The following MAD1L1 variants were observed in gnomAD, a reference collection of about 807,000 sequenced individuals.
MAD1L1 encodes mitotic arrest deficient 1 like 1.
Under a neutral mutation model 96.9 loss-of-function variants are expected in MAD1L1, and 95 were observed. The observed-to-expected ratio is 0.98, with a 90% CI of 0.83 to 1.16. The LOEUF (loss-of-function observed/expected upper bound fraction) is 1.16. Ranked by LOEUF, MAD1L1 falls within the 50% of genes most tolerant of loss-of-function variation. The pLI, the probability that MAD1L1 is intolerant of heterozygous loss-of-function variation, is 0.00. For missense variants in MAD1L1, 1,007 were observed against 954.4 expected (o/e 1.06, Z -0.73); for synonymous variants, 473 against 396.6 (o/e 1.19, Z -2.29).
At chr7:2,127,049 C>A (rs1788265676) in intron 11 of MAD1L1, among the ~76,000 whole-genome samples, 1 of 152,224 alleles carries the variant, frequency 6.6e-6, no homozygotes, top group Non-Finnish European at 1.5e-5. Context: ...AAGAACAGAG[C>A]AGACGCGGGT....
intron 10 of MAD1L1, among the ~76,000 whole-genome samples, chr7:2,149,965 G>A (rs1434718284): frequency 1.3e-5 from 2 of 152,190 alleles, no homozygotes; most frequent in Non-Finnish European, 2.9e-5. Flanking sequence ...AAGGCTCCCT[G>A]GCTAGACTGA....
At chr7:1,818,595 C>G (rs1209052311) in intron 18 of MAD1L1, among the ~76,000 whole-genome samples, 1 of 83,102 alleles carries the variant, frequency 1.2e-5, no homozygotes, top group Non-Finnish European at 2.5e-5. Context: ...TTTGCCCAGG[C>G]TGGTCTCAAA....
intron 14 of MAD1L1, among the ~76,000 whole-genome samples, chr7:1,985,347 G>C (rs1312071932): frequency 2.0e-5 from 3 of 152,244 alleles, no homozygotes; most frequent in Middle Eastern, 3.2e-3. Flanking sequence ...GGCTCCGCTG[G>C]TTCTCAGGCC....
chr7:2,084,982 C>G (rs1426520030), intron 11 of MAD1L1, among the ~76,000 whole-genome samples: 3 of 152,170 alleles, frequency 2.0e-5, no homozygotes, highest in Non-Finnish European at 4.4e-5. Flanking sequence ...TCCCACCACC[C>G]CAAGCCAAGG....
chr7:1,947,198 GC>G (rs1336907315), intron 16 of MAD1L1, among the ~76,000 whole-genome samples: 2 of 152,178 alleles, frequency 1.3e-5, no homozygotes, highest in Non-Finnish European at 2.9e-5. Context: ...GCCCTTGGCT[GC>G]CCCGGGCAAA....
At chr7:1,982,523 C>T (rs1318528686) in intron 14 of MAD1L1, among the ~76,000 whole-genome samples, 1 of 152,308 alleles carries the variant, frequency 6.6e-6, no homozygotes, top group Non-Finnish European at 1.5e-5. Flanking sequence ...CTTCTTCTTT[C>T]TAACTTATCT....
rs931071741 is a variant in MAD1L1, at chr7:2,000,620, C to T, written c.1416+1445G>A. On this transcript the variant is annotated intron_variant, in intron 14 of 18. Transcript: ENST00000265854. ...CCCGGGAGAATGCGGCTCCTCCATT[C>T]GCCACCACCGGAAGTTCTGTCTTTC... Among the ~76,000 whole-genome samples, 6 of 152,156 alleles carry T rather than the reference C, an allele frequency of 3.9e-5. No individual in the cohort carries two copies. The South Asian group carries it at 8.3e-4, about 21-fold the overall frequency.
In MAD1L1 at chr7:2,228,745, C is replaced by CT. The variant is rs11317086; in HGVS notation, c.150+1238dup. ...AGTGAGCAAGCTAGCAACTAGCATT[C>CT]TTTTTTTTTTTTTGAGACAGGGTCT... On this transcript the variant is annotated intron_variant, in intron 3 of 18. Coordinates refer to ENST00000265854, the MANE Select transcript of MAD1L1 (RefSeq NM_001013836.2). Among the ~76,000 whole-genome samples, 51 of 147,020 alleles carry CT rather than the reference C, an allele frequency of 3.5e-4. No homozygotes were observed. The East Asian group carries it at 4.0e-3, about 12-fold the overall frequency.
chr7:2,054,752 C>A (rs1259260609), intron 12 of MAD1L1, among the ~76,000 whole-genome samples: 1 of 152,198 alleles, frequency 6.6e-6, no homozygotes, highest in Non-Finnish European at 1.5e-5. Context: ...TCTCAGGGCC[C>A]CTCCTGCAGG....
chr7:1,888,539 TGC>T (rs375089606), intron 18 of MAD1L1, among the ~76,000 whole-genome samples: 4,470 of 92,366 alleles, frequency 0.048, 206 homozygotes, highest in African/African-American at 0.17. Flanking sequence ...TGGTTGCCTG[TGC>T]GTGTGTGTGA....
chr7:2,197,086 C>T (rs1020265316), intron 10 of MAD1L1, among the ~76,000 whole-genome samples: 6 of 152,224 alleles, frequency 3.9e-5, no homozygotes, highest in African/African-American at 1.4e-4. Flanking sequence ...CGGTCCAAAC[C>T]ACCCTCAGGA....
At chr7:2,109,246 C>A (rs1318592257) in intron 11 of MAD1L1, among the ~76,000 whole-genome samples, 1 of 152,228 alleles carries the variant, frequency 6.6e-6, no homozygotes, top group Admixed American at 6.5e-5. Flanking sequence ...CTTCCCCGGG[C>A]CTCGGCTTCT....
chr7:2,192,060 T>G (rs1791750989), intron 10 of MAD1L1, among the ~76,000 whole-genome samples: 1 of 151,786 alleles, frequency 6.6e-6, no homozygotes. Context: ...AAAATAAAAC[T>G]TAAAATTAAA....
intron 17 of MAD1L1, among the ~76,000 whole-genome samples, chr7:1,911,795 T>A (rs1324088595): frequency 6.6e-6 from 1 of 152,078 alleles, no homozygotes. Flanking sequence ...CACCTCCAGA[T>A]GAAGCCCCTC....
At chr7:2,210,903 T>TC (rs1188794083) in intron 10 of MAD1L1, among the ~76,000 whole-genome samples, 1 of 152,142 alleles carries the variant, frequency 6.6e-6, no homozygotes, top group African/African-American at 2.4e-5. Context: ...CACAGGGCCC[T>TC]CCACAAGTAC....
chr7:2,083,659 C>T lies in MAD1L1; in HGVS notation c.1074-14321G>A, dbSNP rs147453871. Among the ~76,000 whole-genome samples the T allele has an allele frequency of 6.3e-3, 963 of 152,330 alleles. 14 individuals carry two copies. Among genetic ancestry groups the T allele is most frequent in the African/African-American group, 0.022 (920 of 41,570 alleles). On this transcript the variant is annotated intron_variant, in intron 11 of 18. Coordinates refer to ENST00000265854, the MANE Select transcript of MAD1L1 (RefSeq NM_001013836.2). ...AGATGGAAGAGGCAACGGCATCGGA[C>T]GCTAGGAAGACCTGGGAGACCTGGG...
Position 1,865,935 on chromosome 7 carries a change from C to T in MAD1L1, c.1998+32265G>A, listed in dbSNP as rs571932598. On this transcript the variant is annotated intron_variant, in intron 18 of 18. Coordinates refer to ENST00000265854, the MANE Select transcript of MAD1L1 (RefSeq NM_001013836.2). ...GGGAAGCCCTGGACAAGCCTGCCAG[C>T]GTGACAGGCACCATCGGCCCGCAAT... 4.6e-5 allele frequency among the ~76,000 whole-genome samples: 7 copies of T among 152,334 alleles called. No individual in the cohort carries two copies. The South Asian group carries it at 6.2e-4, about 14-fold the overall frequency.
intron 12 of MAD1L1, among the ~76,000 whole-genome samples, chr7:2,060,339 C>T (rs1223713128): frequency 2.7e-5 from 4 of 148,352 alleles, no homozygotes; most frequent in East Asian, 2.0e-4. Flanking sequence ...ACGCCAATGC[C>T]AAGATGTCGA....
intron 10 of MAD1L1, among the ~76,000 whole-genome samples, chr7:2,211,865 T>A (rs1792964214): frequency 6.6e-6 from 1 of 152,208 alleles, no homozygotes; most frequent in Non-Finnish European, 1.5e-5. Flanking sequence ...TCAGAGAGTC[T>A]CAGTCTCAGC....
Sources: gnomAD v4.1 joint callset for allele counts (sites outside exome capture counted in the v4.1 genomes callset) on GRCh38, gnomAD v4.1.1 for gene constraint, MANE v1.5 for transcripts, NCBI Gene and HGNC (gene_info 2026-07-23, HGNC 2026-07-21) for gene names.